Variants in HNRNPAB observed in about 807,000 individuals in gnomAD.
HNRNPAB encodes the protein heterogeneous nuclear ribonucleoprotein A/B.
HNRNPAB carries 17 observed loss-of-function variants against 44.1 expected under a neutral mutation model. The ratio of observed to expected loss-of-function variants is 0.39; its 90% CI spans 0.26 to 0.58. The LOEUF (loss-of-function observed/expected upper bound fraction) is 0.58. Among genes scored for constraint, HNRNPAB ranks in the 20% least tolerant of loss-of-function variants. The pLI is 0.63. For synonymous variants in HNRNPAB, 183 were observed against 167.6 expected (o/e 1.09, Z -0.71); for missense variants, 393 against 432.7 (o/e 0.91, Z 0.81).
intron 2 of HNRNPAB, 97 bp from the exon 3 acceptor site, chr5:178,205,745 C>T (rs1757031418): frequency 1.8e-6 from 2 of 1,136,628 alleles, no homozygotes; most frequent in African/African-American, 3.1e-5. Context: ...CTAAGGGTAG[C>T]TGTAGACTTC....
Position 178,210,902 on chromosome 5 carries a change from C to T in HNRNPAB, c.*279C>T, listed in dbSNP as rs187811984. The T allele has an allele frequency of 7.6e-3, 3,775 of 495,392 alleles. 34 individuals are homozygous for T. Among genetic ancestry groups the T allele is most frequent in the Middle Eastern group, 0.027 (48 of 1,796 alleles). 30.7% of individuals were successfully genotyped at this position (495,392 alleles called of 1,614,324 possible). A position where few individuals can be genotyped will look rare whatever the true frequency, so the allele number is the denominator to read the frequency against. ...GGTGGGAGGCTCTGCTTCCTGCTGC[C>T]GCTCTGCAGCCTGGACCTGTGGACC... On this transcript the variant is annotated 3_prime_UTR_variant, in exon 8 of 8. Coordinates refer to ENST00000358344, the MANE Select transcript of HNRNPAB (RefSeq NM_031266.3).
At chr5:178,208,264 TG>T (rs1288361895) in intron 5 of HNRNPAB, among the ~76,000 whole-genome samples, 2 of 152,202 alleles carry the variant, frequency 1.3e-5, no homozygotes, top group African/African-American at 4.8e-5. Context: ...GTGGAACTCC[TG>T]GAAGTCTCTA....
rs1756976103 is a variant in HNRNPAB, at chr5:178,204,748, G to A, written c.-24+8G>A. ...GGCGTCATCGGCGGCGAGGTGAGCGGCGGCCGGCGGGCGGGAGCTCTGGCG... is the reference window on the plus strand; with the variant it reads ...GGCGTCATCGGCGGCGAGGTGAGCGACGGCCGGCGGGCGGGAGCTCTGGCG... On this transcript the variant is annotated splice_region_variant and intron_variant, in intron 1 of 7. Coordinates refer to ENST00000358344, the MANE Select transcript of HNRNPAB (RefSeq NM_031266.3). 3 of 821,288 alleles carry A rather than the reference G, an allele frequency of 3.7e-6. No homozygotes were observed. The highest frequency in any genetic ancestry group is 4.8e-6 in the Non-Finnish European group (3 of 627,538). 50.9% of individuals were successfully genotyped at this position (821,288 alleles called of 1,614,324 possible).
At position 178,210,577 on chromosome 5, in the gene HNRNPAB, A is replaced by G. The variant is rs1757943266; in HGVS notation, c.953A>G (p.Lys318Arg). 3 of 1,614,228 alleles carry G rather than the reference A, an allele frequency of 1.9e-6. No individual in the cohort carries two copies. The highest frequency in any genetic ancestry group is 2.5e-6 in the Non-Finnish European group (3 of 1,180,022). The change falls in exon 8 of 8, where the codon AAG (lysine) becomes AGG (arginine). Residue 318 changes from lysine (K) to arginine (R), a missense_variant. Lys to Arg is a conservative substitution (Grantham distance 26). Transcript: ENST00000358344. ...DYSQGSTNYG[K>R]SQRRGGHQNN... ...GGTCAGGGTAGTACAAACTACGGCA[A>G]GAGCCAGCGACGTGGTGGCCATCAG...
rs766205226 is a variant in HNRNPAB, at chr5:178,207,105, T to G, written c.549T>G (p.Ile183Met). The change falls in exon 5 of 8, where the codon ATT becomes ATG. Residue 183 changes from isoleucine to methionine, a missense_variant. Around this residue, in one of 3 missense-constraint regions of HNRNPAB, gnomAD observed 210 missense variants for 196.9 expected, o/e 1.07. Coordinates refer to ENST00000358344, the MANE Select transcript of HNRNPAB (RefSeq NM_031266.3). The stretch of plus-strand genomic sequence containing the variant: ...TATGCTTTTTGCAGATTGAGGCCAT[T>G]GAATTGCCAATGGATCCAAAGTTGA... ...YFGEFGEIEA[I>M]ELPMDPKLNK... 1.0e-4 allele frequency: 162 copies of G among 1,614,042 alleles called. No individual in the cohort carries two copies. The highest frequency in any genetic ancestry group is 1.3e-4 in the Non-Finnish European group (156 of 1,180,024).
At chr5:178,207,369 T>C in intron 5 of HNRNPAB, 144 bp downstream of exon 5, 4 of 928,712 alleles carry the variant, frequency 4.3e-6, no homozygotes, top group Non-Finnish European at 6.4e-6. Flanking sequence ...CTGCCCTGAT[T>C]GGGGCAGTGT....
Position 178,205,011 on chromosome 5 carries a change from C to G in HNRNPAB, c.174C>G (p.Asp58Glu). The G allele has an allele frequency of 8.3e-7, 1 of 1,209,232 alleles. No individual in the cohort carries two copies. Among genetic ancestry groups the G allele is most frequent in the Non-Finnish European group, 1.0e-6 (1 of 973,286 alleles). 74.9% of individuals were successfully genotyped at this position (1,209,232 alleles called of 1,614,324 possible). A position where few individuals can be genotyped will look rare whatever the true frequency, so the allele number is the denominator to read the frequency against. ...GGAATCAGAACGGCGCCGAGGGCGA[C>G]CAGATCAACGCCAGCAAGAACGAGG... ...PSGNQNGAEG[D>E]QINASKNEED... Residue 58 changes from aspartate (D) to glutamate (E), a missense_variant, in exon 2 of 8, where the codon GAC (aspartate) becomes GAG (glutamate). Physicochemically the swap from Asp to Glu is conservative, Grantham distance 45. Transcript: ENST00000358344.
intron 2 of HNRNPAB, among the ~76,000 whole-genome samples, chr5:178,205,364 G>A (rs1757004558): frequency 6.6e-6 from 1 of 151,762 alleles, no homozygotes; most frequent in Non-Finnish European, 1.5e-5. Flanking sequence ...GCCCGGCGGC[G>A]TCTTGGGCCG....
At chr5:178,208,424 G>T in intron 5 of HNRNPAB, 1 of 152,352 alleles carries the variant, frequency 6.6e-6, no homozygotes. Flanking sequence ...AATGGGAAAT[G>T]GGTGGGAAGA....
chr5:178,206,524 T>TTAAG (rs1757066047), intron 3 of HNRNPAB, among the ~76,000 whole-genome samples: 1 of 152,198 alleles, frequency 6.6e-6, no homozygotes, highest in South Asian at 2.1e-4. Flanking sequence ...GATCAAAGGC[T>TTAAG]TAAGTGTGAG....
Position 178,210,705 on chromosome 5 carries a change from T to G in HNRNPAB, c.*82T>G. On this transcript the variant is annotated 3_prime_UTR_variant, in exon 8 of 8. Transcript: ENST00000358344. Reference sequence around the variant, plus strand: ...AACACAATTATGTACCAAATTTAACTTGGCAAACTTTCTATTGCCTGTCCC... The same window carrying G: ...AACACAATTATGTACCAAATTTAACGTGGCAAACTTTCTATTGCCTGTCCC... 1 of 1,101,310 alleles carries G rather than the reference T, an allele frequency of 9.1e-7. No homozygotes were observed. The allele number at this position is 1,101,310 out of a possible 1,614,324, so 68.2% of individuals were successfully genotyped here.
In HNRNPAB at chr5:178,210,133, T is replaced by G. The variant is rs1258129548; in HGVS notation, c.789T>G (p.Gly263=). 2 of 1,614,004 alleles carry G rather than the reference T, an allele frequency of 1.2e-6. No homozygotes were observed. The highest frequency in any genetic ancestry group is 2.2e-5 in the East Asian group (1 of 44,870). Residue 263 remains glycine (G), a splice_region_variant and synonymous_variant, in exon 7 of 8, where the codon GGT becomes GGG. Transcript: ENST00000358344. The stretch of plus-strand genomic sequence containing the variant: ...CCCTGTGCCCTGCTCCCCCCACAGG[T>G]CAGAGTCAGAGTTGGAATCAGGGCT... ...RGSGGGGGGG[G]QSQSWNQGYG...
rs188993620 is a variant in HNRNPAB at position 178,204,557 on chromosome 5, A to G, written c.-207A>G. On this transcript the variant is annotated 5_prime_UTR_variant, in exon 1 of 8. Transcript: ENST00000358344. ...CAGGCGGCGGCACCGCGCGGGACGG[A>G]GCTTGGCTGTTGGTCGGTGGGTTCC... The G allele has an allele frequency of 4.3e-4, 97 of 224,168 alleles. No homozygotes were observed. Among genetic ancestry groups the G allele is most frequent in the Non-Finnish European group, 7.0e-4 (81 of 115,522 alleles). The allele number at this position is 224,168 out of a possible 1,614,324, so 13.9% of individuals were successfully genotyped here.
At chr5:178,205,658 C>T (rs996612651) in intron 2 of HNRNPAB, 184 bp from the exon 3 acceptor site, 29 of 589,794 alleles carry the variant, frequency 4.9e-5, no homozygotes, top group Non-Finnish European at 8.4e-5. Flanking sequence ...CTTGTTAAGC[C>T]TCGTTAGGGT....
intron 5 of HNRNPAB, 111 bp downstream of exon 5, chr5:178,207,336 TTAC>T: frequency 7.7e-7 from 1 of 1,304,560 alleles, no homozygotes; most frequent in Non-Finnish European, 1.1e-6. Context: ...TGGTCAGACT[TTAC>T]TATTTCTCTG....
At position 178,210,633 on chromosome 5, in the gene HNRNPAB, A is replaced by G. The variant is rs146209319; in HGVS notation, c.*10A>G. ...CTACAAGCCATACTGAGGCGGCAGCAGGAGCGACCAACTGATCGCACACAT... is the reference window on the plus strand; with the variant it reads ...CTACAAGCCATACTGAGGCGGCAGCGGGAGCGACCAACTGATCGCACACAT... On this transcript the variant is annotated 3_prime_UTR_variant, in exon 8 of 8. Transcript: ENST00000358344. 4,376 of 1,609,118 alleles carry G rather than the reference A, an allele frequency of 2.7e-3. 14 individuals carry two copies. Among genetic ancestry groups the G allele is most frequent in the Non-Finnish European group, 3.1e-3 (3,614 of 1,175,532 alleles).
intron 2 of HNRNPAB, 167 bp from the exon 3 acceptor site, chr5:178,205,675 T>G: frequency 3.1e-6 from 2 of 641,900 alleles, no homozygotes; most frequent in Non-Finnish European, 5.4e-6. Flanking sequence ...GGGTCCTGGT[T>G]GAGTTCAATT....
chr5:178,209,980 C>T, intron 6 of HNRNPAB, 152 bp from the exon 7 acceptor site: 1 of 997,350 alleles, frequency 1.0e-6, no homozygotes, highest in Non-Finnish European at 1.4e-6. Flanking sequence ...CAGGGTTGGG[C>T]CCAGGGCCCT....
In HNRNPAB at chr5:178,205,302, C is replaced by T. The variant is rs7720158; in HGVS notation, c.209+256C>T. 3.8e-3 allele frequency among the ~76,000 whole-genome samples: 578 copies of T among 151,498 alleles called. 5 individuals are homozygous for T. The highest frequency in any genetic ancestry group is 0.025 in the East Asian group (130 of 5,122). On this transcript the variant is annotated intron_variant, in intron 2 of 7. Coordinates refer to ENST00000358344, the MANE Select transcript of HNRNPAB (RefSeq NM_031266.3). Reference sequence around the variant, plus strand: ...CCAGGGCCAGGGCCAGGGCCGGAGCCGGCGCAGGGGCGGGCGGATGGCCCG... The same window carrying T: ...CCAGGGCCAGGGCCAGGGCCGGAGCTGGCGCAGGGGCGGGCGGATGGCCCG...
Sources: gnomAD v4.1 joint callset for allele counts (sites outside exome capture counted in the v4.1 genomes callset) on GRCh38, gnomAD v4.1.1 for gene constraint, gnomAD v4.1.1 regional missense constraint, MANE v1.5 for transcripts, NCBI Gene and HGNC (gene_info 2026-07-23, HGNC 2026-07-21) for gene names.